Variants in ANG observed in about 807,000 individuals in gnomAD.
ANG encodes angiogenin.
For missense variants in ANG, 178 were observed against 187.4 expected, an observed-to-expected ratio of 0.95 and a Z score of 0.29; for synonymous variants, 74 against 73.8, an observed-to-expected ratio of 1.00 and a Z score of -0.02.
intron 1 of ANG, among the ~76,000 whole-genome samples, chr14:20,690,199 G>A (rs1157111592): frequency 7.4e-6 from 1 of 134,364 alleles, no homozygotes; most frequent in Non-Finnish European, 1.6e-5. Flanking sequence ...TCCGGCCTGG[G>A]CGACAGAGCG....
intron 1 of ANG, among the ~76,000 whole-genome samples, chr14:20,691,428 C>T (rs137953457): frequency 1.3e-5 from 2 of 152,244 alleles, no homozygotes; most frequent in African/African-American, 4.8e-5. Flanking sequence ...GGAAACACAC[C>T]CAGGAGACTG....
chr14:20,689,451 C>T (rs1566599262), intron 1 of ANG, among the ~76,000 whole-genome samples: 1 of 152,174 alleles, frequency 6.6e-6, no homozygotes, highest in Admixed American at 6.5e-5. Context: ...TGTGAAGCCA[C>T]ATTGATGAAA....
At chr14:20,692,671 A>G (rs1202097582) in intron 1 of ANG, among the ~76,000 whole-genome samples, 1 of 152,194 alleles carries the variant, frequency 6.6e-6, no homozygotes, top group Non-Finnish European at 1.5e-5. Flanking sequence ...ACCAATCCAT[A>G]GAAATACTGT....
chr14:20,693,833 G>A lies in ANG; in HGVS notation c.269G>A (p.Arg90Lys), dbSNP rs1886953355. ...ICENKNGNPHRENLRISKSSF... is the reference protein window; with the variant it reads ...ICENKNGNPHKENLRISKSSF... ...GAAAACAAGAATGGAAACCCTCACA[G>A]AGAAAACCTAAGAATAAGCAAGTCT... The change falls in exon 2 of 2, where the codon AGA becomes AAA. Residue 90 changes from arginine to lysine, a missense_variant. Arg to Lys is a conservative substitution (Grantham distance 26). Transcript: ENST00000397990. 1.9e-6 allele frequency: 3 copies of A among 1,614,096 alleles called. No individual in the cohort carries two copies. Among genetic ancestry groups the A allele is most frequent in the Non-Finnish European group, 2.5e-6 (3 of 1,180,046 alleles).
upstream of ANG, among the ~76,000 whole-genome samples, chr14:20,687,994 T>G (rs1886502603): frequency 6.6e-6 from 1 of 152,222 alleles, no homozygotes; most frequent in Non-Finnish European, 1.5e-5. Flanking sequence ...ATGAGATCTA[T>G]AAGGTGATCC....
At chr14:20,687,747 A>C (rs760101583), upstream of ANG, among the ~76,000 whole-genome samples, 1 of 152,210 alleles carries the variant, frequency 6.6e-6, no homozygotes, top group African/African-American at 2.4e-5. Flanking sequence ...GAAAGATTGC[A>C]CTGAATATTA....
chr14:20,685,549 A>C (rs1206981795), upstream of ANG, among the ~76,000 whole-genome samples: 1 of 152,224 alleles, frequency 6.6e-6, no homozygotes. Context: ...ACTTAACCAC[A>C]GAGCCACTAA....
chr14:20,693,428 T>G, intron 1 of ANG, 119 bp from the exon 2 acceptor site: 1 of 1,314,552 alleles, frequency 7.6e-7, no homozygotes, highest in Non-Finnish European at 1.1e-6. Flanking sequence ...GAATATAAAA[T>G]TTGGTGGTGG....
chr14:20,687,913 AC>A (rs1332390995), upstream of ANG, among the ~76,000 whole-genome samples: 1 of 152,238 alleles, frequency 6.6e-6, no homozygotes, highest in Non-Finnish European at 1.5e-5. Flanking sequence ...CCTAGATCCA[AC>A]ACCACTGTGG....
intron 1 of ANG, among the ~76,000 whole-genome samples, chr14:20,689,539 T>C (rs1315747288): frequency 6.6e-6 from 1 of 152,248 alleles, no homozygotes; most frequent in African/African-American, 2.4e-5. Flanking sequence ...TTTTGAATAC[T>C]GAACATTGCC....
chr14:20,693,535 T>G lies in ANG; in HGVS notation c.-18-12T>G. 6.2e-7 allele frequency: 1 copy of G among 1,609,306 alleles called. No individual in the cohort carries two copies. The highest frequency in any genetic ancestry group is 8.5e-7 in the Non-Finnish European group (1 of 1,179,952). On this transcript the variant is annotated splice_polypyrimidine_tract_variant and intron_variant, in intron 1 of 1. Transcript: ENST00000397990. ...TTCTTGGGTCTACCACACCTCCTTT[T>G]GCCCTCCGCAGGAGCCTGTGTTGGA...
upstream of ANG, chr14:20,684,486 G>C (rs1181339495): frequency 6.6e-6 from 1 of 152,404 alleles, no homozygotes; most frequent in Non-Finnish European, 1.5e-5. Context: ...GGATCCAGGC[G>C]GGAGGGGCCT....
chr14:20,692,865 C>T (rs1401365188), intron 1 of ANG, among the ~76,000 whole-genome samples: 1 of 151,758 alleles, frequency 6.6e-6, no homozygotes, highest in African/African-American at 2.4e-5. Context: ...TATTTTTTTC[C>T]GAGACGGAGT....
At chr14:20,685,067 C>T (rs1018081108), upstream of ANG, among the ~76,000 whole-genome samples, 1 of 152,172 alleles carries the variant, frequency 6.6e-6, no homozygotes, top group African/African-American at 2.4e-5. Flanking sequence ...CCTGCACTTG[C>T]CCACAACTAA....
In ANG at chr14:20,694,003, C is replaced by G; in HGVS notation, c.439C>G (p.Pro147Ala). ...VHLDQSIFRRP is the reference protein window; with the variant it reads ...VHLDQSIFRRA ...CTTGGATCAGTCAATTTTCCGTCGT[C>G]CGTAACCAGCGGGCCCCTGGTCAAG... is the stretch of plus-strand genomic sequence containing the variant. The change falls in exon 2 of 2, where the codon CCG (proline) becomes GCG (alanine). Residue 147 changes from proline to alanine, a missense_variant. Pro to Ala is a conservative substitution (Grantham distance 27, BLOSUM62 -1). Transcript: ENST00000397990. 1 of 1,614,144 alleles carries G rather than the reference C, an allele frequency of 6.2e-7. No individual in the cohort carries two copies. Among genetic ancestry groups the G allele is most frequent in the Non-Finnish European group, 8.5e-7 (1 of 1,180,052 alleles).
At chr14:20,690,221 C>CACAA (rs1886663940) in intron 1 of ANG, among the ~76,000 whole-genome samples, 1 of 67,978 alleles carries the variant, frequency 1.5e-5, no homozygotes, top group Non-Finnish European at 2.5e-5. Flanking sequence ...GACTCCGTCT[C>CACAA]AAAAAAAAAA....
chr14:20,691,302 C>T (rs1005722069), intron 1 of ANG, among the ~76,000 whole-genome samples: 5 of 152,190 alleles, frequency 3.3e-5, no homozygotes, highest in Admixed American at 3.3e-4. Flanking sequence ...AGAATGTTGA[C>T]TGTGTAAGGC....
At chr14:20,684,358 C>T (rs1006731432), upstream of ANG, 9 of 152,232 alleles carry the variant, frequency 5.9e-5, no homozygotes, top group Non-Finnish European at 1.2e-4. Flanking sequence ...AGTGCTCTCG[C>T]GGCTGCTGCC....
chr14:20,686,836 T>C (rs144489136), upstream of ANG, among the ~76,000 whole-genome samples: 294 of 152,340 alleles, frequency 1.9e-3, 4 homozygotes, highest in East Asian at 0.05. Flanking sequence ...AATTATTTAG[T>C]CCATTCTTCC....
Sources: gnomAD v4.1 joint callset for allele counts (sites outside exome capture counted in the v4.1 genomes callset) on GRCh38, gnomAD v4.1.1 for gene constraint, MANE v1.5 for transcripts, NCBI Gene and HGNC (gene_info 2026-07-23, HGNC 2026-07-21) for gene names.